BMP1: variants seen among roughly 807,000 people sequenced by gnomAD.
The protein encoded by BMP1 is mammalian tolloid protein.
A neutral mutation model predicts 116.8 loss-of-function variants in BMP1; 63 were observed. That is an observed-to-expected ratio of 0.54 (90% CI 0.44 to 0.67). The LOEUF (loss-of-function observed/expected upper bound fraction) is 0.67, where lower values mean the gene tolerates loss of function less well. Among genes scored for constraint, BMP1 ranks in the 30% least tolerant of loss-of-function variants. The pLI is 0.00. For synonymous variants in BMP1, 536 were observed against 533.4 expected, an observed-to-expected ratio of 1.00 and a Z score of -0.07; for missense variants, 1,183 against 1,358.9, an observed-to-expected ratio of 0.87 and a Z score of 2.04.
At position 22,177,899 on chromosome 8, in the gene BMP1, C is replaced by T. The variant is rs763793844; in HGVS notation, c.778C>T (p.Leu260=). Residue 260 remains leucine, a synonymous_variant, in exon 6 of 20, where the codon CTG becomes TTG. Transcript: ENST00000306385. The part of the protein sequence containing the change: ...LKMEPQEVES[L]GETYDFDSIM... Reference sequence around the variant, plus strand: ...GATGGAGCCTCAGGAGGTGGAGTCCCTGGGGGAGACCTATGACTTCGACAG... The same window carrying T: ...GATGGAGCCTCAGGAGGTGGAGTCCTTGGGGGAGACCTATGACTTCGACAG... 3.1e-6 allele frequency: 5 copies of T among 1,613,686 alleles called. No individual in the cohort carries two copies. The highest frequency in any genetic ancestry group is 2.2e-5 in the East Asian group (1 of 44,880).
At chr8:22,205,047 G>A (rs1829328075) in intron 16 of BMP1, among the ~76,000 whole-genome samples, 1 of 152,212 alleles carries the variant, frequency 6.6e-6, no homozygotes, top group South Asian at 2.1e-4. Context: ...CTGACGGGGA[G>A]GAGGGACACT....
chr8:22,199,530 A>C (rs1586467024), intron 15 of BMP1: 8 of 789,502 alleles, frequency 1.0e-5, no homozygotes, highest in South Asian at 2.3e-5. Flanking sequence ...ACTTTCCCCC[A>C]CTCATTCATC....
chr8:22,194,100 C>T lies in BMP1; in HGVS notation c.1223C>T (p.Thr408Ile). The change falls in exon 10 of 20, where the codon ACT becomes ATT. Residue 408 changes from threonine to isoleucine, a missense_variant. Physicochemically the swap from Thr to Ile is moderately conservative, Grantham distance 89. Around this residue, in one of 4 missense-constraint regions of BMP1, gnomAD observed 956 missense variants for 1,135.2 expected, o/e 0.84. Transcript: ENST00000306385. The surrounding 1 kb of genome is among the most constrained non-coding windows in gnomAD (Gnocchi z 4.5). ...GSKLPEPIVSTDSRLWVEFRS... is the reference protein window; with the variant it reads ...GSKLPEPIVSIDSRLWVEFRS... The stretch of plus-strand genomic sequence containing the variant: ...AAACTCCCTGAGCCTATCGTCTCCA[C>T]TGACAGCCGCCTCTGGGTTGAATTC... 6.2e-7 allele frequency: 1 copy of T among 1,614,236 alleles called. No individual in the cohort carries two copies. Among genetic ancestry groups the T allele is most frequent in the East Asian group, 2.2e-5 (1 of 44,882 alleles).
intron 6 of BMP1, among the ~76,000 whole-genome samples, chr8:22,178,682 T>G (rs1468038038): frequency 6.6e-6 from 1 of 152,012 alleles, no homozygotes; most frequent in Non-Finnish European, 1.5e-5. Context: ...ACATCCTCCT[T>G]ATCTGAGGCC....
rs566435924 is a variant in BMP1, at chr8:22,195,566, C to G, written c.1744C>G (p.Pro582Ala). 6.8e-6 allele frequency: 11 copies of G among 1,612,316 alleles called. No homozygotes were observed. Among genetic ancestry groups the G allele is most frequent in the Non-Finnish European group, 8.5e-6 (10 of 1,179,734 alleles). Residue 582 changes from proline to alanine, a missense_variant, in exon 13 of 20, where the codon CCA (proline) becomes GCA (alanine). Pro to Ala is a conservative substitution (Grantham distance 27, BLOSUM62 -1). Coordinates refer to ENST00000306385, the MANE Select transcript of BMP1 (RefSeq NM_006129.5). ...CTGTGACCCCGGGTACGAGCTGGCC[C>G]CAGACAAGCGCCGCTGTGAGGGTGA... ...CSCDPGYELA[P>A]DKRRCEAACG... is the part of the protein sequence containing the mutation.
intron 15 of BMP1, chr8:22,201,566 C>T (rs573980090): frequency 2.1e-6 from 3 of 1,401,868 alleles, no homozygotes; most frequent in East Asian, 5.2e-5. Context: ...TCCGCTCGGA[C>T]CCCCATCCTC....
chr8:22,196,993 G>T (rs1490598410), intron 14 of BMP1, among the ~76,000 whole-genome samples, 153 bp downstream of exon 14: 1 of 152,220 alleles, frequency 6.6e-6, no homozygotes, highest in Non-Finnish European at 1.5e-5. Context: ...AGCACAGGAG[G>T]CCCAGCAGGG....
chr8:22,182,168 T>C (rs1037817674), intron 8 of BMP1, among the ~76,000 whole-genome samples: 2 of 152,250 alleles, frequency 1.3e-5, no homozygotes, highest in African/African-American at 2.4e-5. Flanking sequence ...TTCAATTCTA[T>C]TATTGATTGC....
At chr8:22,168,106 G>T (rs757598106) in intron 1 of BMP1, among the ~76,000 whole-genome samples, 5 of 152,124 alleles carry the variant, frequency 3.3e-5, no homozygotes, top group Non-Finnish European at 5.9e-5. Flanking sequence ...ACCATTACTG[G>T]CCGAGTTATG....
intron 8 of BMP1, among the ~76,000 whole-genome samples, chr8:22,185,990 C>T (rs150522134): frequency 0.048 from 7,238 of 152,192 alleles, 275 homozygotes; most frequent in Admixed American, 0.092. Context: ...CGCCTGCCAC[C>T]ACGCCCGGCT....
In BMP1 at chr8:22,195,575, C is replaced by T. The variant is rs759325498; in HGVS notation, c.1753C>T (p.Arg585Cys). ...CGGGTACGAGCTGGCCCCAGACAAGCGCCGCTGTGAGGGTGAGTGCCCCCA... is the reference window on the plus strand; with the variant it reads ...CGGGTACGAGCTGGCCCCAGACAAGTGCCGCTGTGAGGGTGAGTGCCCCCA... Reference protein sequence around the residue: ...DPGYELAPDKRRCEAACGGFL... With the variant: ...DPGYELAPDKCRCEAACGGFL... The change falls in exon 13 of 20, where the codon CGC (arginine) becomes TGC (cysteine). Residue 585 changes from arginine to cysteine, a missense_variant. Coordinates refer to ENST00000306385, the MANE Select transcript of BMP1 (RefSeq NM_006129.5). 13 of 1,612,066 alleles carry T rather than the reference C, an allele frequency of 8.1e-6. No individual in the cohort carries two copies. The Admixed American group carries it at 8.4e-5, about 10-fold the overall frequency.
In BMP1 at chr8:22,194,318, G is replaced by T; in HGVS notation, c.1298-127G>T. 6.8e-7 allele frequency: 1 copy of T among 1,460,804 alleles called. No homozygotes were observed. Among genetic ancestry groups the T allele is most frequent in the Non-Finnish European group, 9.4e-7 (1 of 1,061,420 alleles). The allele number at this position is 1,460,804 out of a possible 1,614,324, so 90.5% of individuals were successfully genotyped here. A position where few individuals can be genotyped will look rare whatever the true frequency, so the allele number is the denominator to read the frequency against. On this transcript the variant is annotated intron_variant, in intron 10 of 19. Transcript: ENST00000306385. This position sits in a 1 kb window ranked among gnomAD's most constrained non-coding sequence, Gnocchi z 4.5. ...GAATGATGGGATTGCCTGGGACTGG[G>T]GGTTTGGTGGGGAACTGAAAAGCTG...
chr8:22,181,376 C>G (rs1341048118), intron 8 of BMP1, among the ~76,000 whole-genome samples: 2 of 152,200 alleles, frequency 1.3e-5, no homozygotes, highest in African/African-American at 2.4e-5. Flanking sequence ...CTTCAGGAAG[C>G]CTTCCCTGCT....
At chr8:22,184,630 A>C (rs1828714216) in intron 8 of BMP1, among the ~76,000 whole-genome samples, 1 of 152,206 alleles carries the variant, frequency 6.6e-6, no homozygotes, top group African/African-American at 2.4e-5. Context: ...TCTACTGTTT[A>C]ACAATCAGGT....
At chr8:22,180,052 T>G (rs1828568749) in intron 7 of BMP1, among the ~76,000 whole-genome samples, 1 of 151,878 alleles carries the variant, frequency 6.6e-6, no homozygotes, top group Non-Finnish European at 1.5e-5. Context: ...TGAGGGTCTG[T>G]AGGGGCGGAA....
intron 16 of BMP1, among the ~76,000 whole-genome samples, chr8:22,205,691 A>G (rs917235670): frequency 2.0e-5 from 3 of 152,062 alleles, no homozygotes; most frequent in African/African-American, 7.2e-5. Context: ...GGGAGGATCA[A>G]TTGAGCCTAG....
intron 15 of BMP1, among the ~76,000 whole-genome samples, chr8:22,200,960 G>A (rs1829242926): frequency 6.6e-6 from 1 of 151,710 alleles, no homozygotes; most frequent in Non-Finnish European, 1.5e-5. Flanking sequence ...GCCCGGACAT[G>A]GCCACCCTGC....
intron 19 of BMP1, 131 bp from the exon 20 acceptor site, chr8:22,211,463 C>T: frequency 7.7e-7 from 1 of 1,303,480 alleles, no homozygotes; most frequent in Non-Finnish European, 1.1e-6. Flanking sequence ...AAGCCCTATG[C>T]TTCAAGGGGC....
intron 1 of BMP1, among the ~76,000 whole-genome samples, chr8:22,166,546 C>G (rs1828118266): frequency 6.6e-6 from 1 of 152,238 alleles, no homozygotes; most frequent in African/African-American, 2.4e-5. Flanking sequence ...GATATCAGAA[C>G]TTTTCCTTGA....
Sources: allele counts gnomAD v4.1 joint callset (sites outside exome capture counted in the v4.1 genomes callset), GRCh38; gene constraint gnomAD v4.1.1; regional missense constraint gnomAD v4.1.1; non-coding constraint Gnocchi (gnomAD v3.1); transcripts MANE v1.5; gene names NCBI Gene and HGNC (gene_info 2026-07-23, HGNC 2026-07-21).